Variants in TENM4 observed in about 807,000 individuals in gnomAD.
TENM4 encodes the protein teneurin transmembrane protein 4.
A neutral mutation model predicts 243.3 loss-of-function variants in TENM4; 82 were observed. The observed-to-expected ratio is 0.34, with a 90% confidence interval of 0.28 to 0.40. The LOEUF is 0.40. TENM4 is among the 10% of genes least tolerant of loss of function. The pLI is 1.00. For synonymous variants in TENM4, 1,412 were observed against 1,456.3 expected, an observed-to-expected ratio of 0.97 and a Z score of 0.69; for missense variants, 3,138 against 3,673.3, an observed-to-expected ratio of 0.85 and a Z score of 3.77.
intron 3 of TENM4, among the ~76,000 whole-genome samples, chr11:79,166,538 C>A (rs1306470972): frequency 6.6e-6 from 1 of 152,126 alleles, no homozygotes; most frequent in African/African-American, 2.4e-5. Flanking sequence ...TTATTGACTG[C>A]TTACTATTGG....
chr11:78,917,020 A>G (rs775577693), intron 6 of TENM4, among the ~76,000 whole-genome samples: 7 of 152,252 alleles, frequency 4.6e-5, no homozygotes, highest in Non-Finnish European at 7.3e-5. Context: ...AATTTATTAA[A>G]TGCAAAAACC....
intron 26 of TENM4, among the ~76,000 whole-genome samples, chr11:78,710,396 C>T (rs1859369771): frequency 6.6e-6 from 1 of 152,210 alleles, no homozygotes; most frequent in Non-Finnish European, 1.5e-5. Context: ...CCTCTGAGTG[C>T]TGAGAACCTG....
In TENM4 at chr11:79,073,965, G is replaced by A. The variant is rs77051167; in HGVS notation, c.-65-3956C>T. On this transcript the variant is annotated intron_variant, in intron 4 of 33. Transcript: ENST00000278550. Reference sequence around the variant, plus strand: ...TAAATAAGGCTGAGAAACGTTTTAGGCTGTTAAATTGGTGGGTGACTATTT... The same window carrying A: ...TAAATAAGGCTGAGAAACGTTTTAGACTGTTAAATTGGTGGGTGACTATTT... Among the ~76,000 whole-genome samples the A allele has an allele frequency of 9.5e-3, 1,452 of 152,094 alleles. 27 individuals are homozygous for A. The highest frequency in any genetic ancestry group is 0.033 in the African/African-American group (1,384 of 41,524).
At position 79,406,356 on chromosome 11, in the gene TENM4, A is replaced by G. The variant is rs548328497; in HGVS notation, c.-321+34153T>C. The stretch of plus-strand genomic sequence containing the variant: ...AACACCATCTTTTCATGAATAGAAA[A>G]CAAAAAGGTTAAAAAATGAATATGA... On this transcript the variant is annotated intron_variant, in intron 1 of 33. Coordinates refer to ENST00000278550, the MANE Select transcript of TENM4 (RefSeq NM_001098816.3). Among the ~76,000 whole-genome samples the G allele has an allele frequency of 7.5e-4, 114 of 152,342 alleles. 3 individuals carry two copies. The South Asian group carries it at 0.023, about 31-fold the overall frequency.
intron 3 of TENM4, among the ~76,000 whole-genome samples, chr11:79,185,507 A>G (rs1421991903): frequency 1.3e-5 from 2 of 152,108 alleles, no homozygotes; most frequent in Non-Finnish European, 2.9e-5. Context: ...TCACCAGCCA[A>G]TTTTCATATT....
intron 6 of TENM4, among the ~76,000 whole-genome samples, chr11:78,978,153 TG>T (rs1857707222): frequency 1.3e-5 from 2 of 150,966 alleles, no homozygotes; most frequent in Admixed American, 6.6e-5. Flanking sequence ...GGTTGAACAA[TG>T]AGAACACATG....
intron 10 of TENM4, among the ~76,000 whole-genome samples, chr11:78,857,078 T>C: frequency 7.1e-6 from 1 of 141,322 alleles, no homozygotes; most frequent in Non-Finnish European, 1.6e-5. Flanking sequence ...CACTCATATG[T>C]GAAAAATACA....
intron 1 of TENM4, among the ~76,000 whole-genome samples, chr11:79,376,533 C>T (rs1857894416): frequency 6.6e-6 from 1 of 152,202 alleles, no homozygotes; most frequent in African/African-American, 2.4e-5. Flanking sequence ...TTTCTCCATC[C>T]CAGCACTTGC....
At chr11:79,313,612 C>A (rs1486103895) in intron 1 of TENM4, among the ~76,000 whole-genome samples, 2 of 152,184 alleles carry the variant, frequency 1.3e-5, no homozygotes, top group Non-Finnish European at 2.9e-5. Context: ...TTCACATAAT[C>A]CTGCTTCTGT....
intron 25 of TENM4, among the ~76,000 whole-genome samples, chr11:78,714,889 G>T (rs1327709546): frequency 6.6e-6 from 1 of 152,042 alleles, no homozygotes. Flanking sequence ...TCCATTCATT[G>T]CTGGACGATA....
intron 2 of TENM4, among the ~76,000 whole-genome samples, chr11:79,246,230 C>A (rs1855513231): frequency 6.6e-6 from 1 of 152,160 alleles, no homozygotes; most frequent in Non-Finnish European, 1.5e-5. Context: ...CATTTCACTC[C>A]ATCTTTATAA....
chr11:79,346,565 A>G (rs1234662327), intron 1 of TENM4, among the ~76,000 whole-genome samples: 4 of 152,120 alleles, frequency 2.6e-5, no homozygotes, highest in African/African-American at 7.2e-5. Flanking sequence ...AGTAATTACT[A>G]TTTATTACTG....
intron 4 of TENM4, among the ~76,000 whole-genome samples, chr11:79,129,623 T>A (rs1017665088): frequency 2.0e-5 from 3 of 152,012 alleles, no homozygotes; most frequent in African/African-American, 7.3e-5. Context: ...TTCCCCAGCT[T>A]CCCTGACAAC....
At chr11:78,659,297 G>T (rs1331014793) in intron 33 of TENM4, among the ~76,000 whole-genome samples, 2 of 152,150 alleles carry the variant, frequency 1.3e-5, no homozygotes, top group Non-Finnish European at 2.9e-5. Context: ...TATACGGTAG[G>T]TGCTGTCATT....
intron 6 of TENM4, among the ~76,000 whole-genome samples, chr11:79,005,875 C>A (rs1008826674): frequency 6.6e-6 from 1 of 152,186 alleles, no homozygotes; most frequent in Non-Finnish European, 1.5e-5. Context: ...GCTCCTAGAT[C>A]TGATAAATAA....
intron 6 of TENM4, among the ~76,000 whole-genome samples, chr11:78,914,446 G>GA (rs1031376518): frequency 6.6e-6 from 1 of 152,180 alleles, no homozygotes; most frequent in Non-Finnish European, 1.5e-5. Context: ...TTAAGCTTAA[G>GA]AAAACCCTTC....
At chr11:78,882,556 G>T (rs541855994) in intron 9 of TENM4, among the ~76,000 whole-genome samples, 1 of 152,188 alleles carries the variant, frequency 6.6e-6, no homozygotes, top group African/African-American at 2.4e-5. Flanking sequence ...AAAAAGAAGG[G>T]AAGTCTAATA....
At chr11:79,376,402 A>G (rs190802695) in intron 1 of TENM4, among the ~76,000 whole-genome samples, 1 of 152,326 alleles carries the variant, frequency 6.6e-6, no homozygotes, top group Non-Finnish European at 1.5e-5. Context: ...TAGCTTTGCT[A>G]ATGCTGCTCT....
At chr11:78,915,452 C>T (rs1233134222) in intron 6 of TENM4, among the ~76,000 whole-genome samples, 1 of 151,998 alleles carries the variant, frequency 6.6e-6, no homozygotes, top group African/African-American at 2.4e-5. Context: ...AGGTAGGTTC[C>T]CATCTGTGGA....
Sources: allele counts gnomAD v4.1 joint callset (sites outside exome capture counted in the v4.1 genomes callset), GRCh38; gene constraint gnomAD v4.1.1; transcripts MANE v1.5; gene names NCBI Gene and HGNC (gene_info 2026-07-23, HGNC 2026-07-21).